TM9SF3: variants seen among roughly 807,000 people sequenced by gnomAD.
The protein encoded by TM9SF3 is SM-11044-binding protein.
A neutral mutation model predicts 78.6 loss-of-function variants in TM9SF3; 14 were observed. The observed-to-expected ratio is 0.18, with a 90% CI of 0.12 to 0.28. The LOEUF (loss-of-function observed/expected upper bound fraction) is 0.28. Ranked by LOEUF, TM9SF3 falls within the 10% of genes least tolerant of loss-of-function variation. TM9SF3 has a pLI of 1.00. For missense variants in TM9SF3, 496 were observed against 721.9 expected (o/e 0.69, Z 3.59); for synonymous variants, 231 against 241.7 (o/e 0.96, Z 0.41).
intron 1 of TM9SF3, among the ~76,000 whole-genome samples, chr10:96,585,308 T>G (rs148733152): frequency 0.013 from 1,967 of 152,264 alleles, 32 homozygotes; most frequent in Non-Finnish European, 0.016. Flanking sequence ...ACTGAAAATT[T>G]AAAAATACTC....
At chr10:96,561,273 T>C (rs569496478) in intron 4 of TM9SF3, among the ~76,000 whole-genome samples, 1 of 152,354 alleles carries the variant, frequency 6.6e-6, no homozygotes, top group Non-Finnish European at 1.5e-5. Context: ...TCTGTAAATC[T>C]TTATTTTTAG....
intron 4 of TM9SF3, among the ~76,000 whole-genome samples, chr10:96,561,149 C>T (rs546747257): frequency 6.6e-6 from 1 of 152,268 alleles, no homozygotes; most frequent in East Asian, 1.9e-4. Flanking sequence ...TTCAGTGAAC[C>T]TTGCCCTTTG....
Position 96,586,820 on chromosome 10 carries a change from C to G in TM9SF3, c.16G>C (p.Gly6Arg). MRPLP[G>R]ALGVAAAAAL... ...GCGGCCGCCGCCACGCCAAGAGCGC[C>G]AGGCAGCGGCCTCATCCTCCGCGCC... Residue 6 changes from glycine to arginine, a missense_variant, in exon 1 of 15, where the codon GGC becomes CGC. By Grantham distance (125) the Gly-to-Arg change is moderately radical. Transcript: ENST00000371142. The G allele has an allele frequency of 8.0e-7, 1 of 1,253,482 alleles. No individual in the cohort carries two copies. Among genetic ancestry groups the G allele is most frequent in the Non-Finnish European group, 1.0e-6 (1 of 1,000,284 alleles). 77.6% of individuals were successfully genotyped at this position (1,253,482 alleles called of 1,614,324 possible). A position where few individuals can be genotyped will look rare whatever the true frequency, so the allele number is the denominator to read the frequency against.
chr10:96,547,772 A>AT, intron 8 of TM9SF3, 123 bp downstream of exon 8: 1 of 756,598 alleles, frequency 1.3e-6, no homozygotes, highest in Non-Finnish European at 2.2e-6. Flanking sequence ...GTGAGCAGAG[A>AT]TTGCACCACT....
chr10:96,552,092 C>T (rs1442966067), intron 6 of TM9SF3, among the ~76,000 whole-genome samples: 1 of 152,068 alleles, frequency 6.6e-6, no homozygotes, highest in Non-Finnish European at 1.5e-5. Context: ...TTAAGAGGTA[C>T]CAAATGCTTT....
At chr10:96,544,043 T>C (rs1297484524) in intron 9 of TM9SF3, 33 bp downstream of exon 9, 2 of 1,591,522 alleles carry the variant, frequency 1.3e-6, no homozygotes, top group Admixed American at 1.8e-5. Context: ...GTGTATACTT[T>C]TTCAGTTTAA....
Position 96,586,900 on chromosome 10 carries a change from C to T in TM9SF3, c.-65G>A. 2 of 1,143,110 alleles carry T rather than the reference C, an allele frequency of 1.7e-6. No individual in the cohort carries two copies. Among genetic ancestry groups the T allele is most frequent in the South Asian group, 4.2e-5 (1 of 23,542 alleles). The allele number at this position is 1,143,110 out of a possible 1,614,324, so 70.8% of individuals were successfully genotyped here. A position where few individuals can be genotyped will look rare whatever the true frequency, so the allele number is the denominator to read the frequency against. ...CTCCTCCCGCCGCCGCCTCCTCCGCCGCCGCCGCCTCCGCCGCGGCCGATT... is the reference window on the plus strand; with the variant it reads ...CTCCTCCCGCCGCCGCCTCCTCCGCTGCCGCCGCCTCCGCCGCGGCCGATT... On this transcript the variant is annotated 5_prime_UTR_variant, in exon 1 of 15. Coordinates refer to ENST00000371142, the MANE Select transcript of TM9SF3 (RefSeq NM_020123.4).
chr10:96,532,108 G>A (rs887376069), intron 10 of TM9SF3, among the ~76,000 whole-genome samples: 1 of 151,980 alleles, frequency 6.6e-6, no homozygotes, highest in Non-Finnish European at 1.5e-5. Flanking sequence ...TACTCGGGAG[G>A]CTGAGGCGGA....
chr10:96,566,040 C>T (rs918958656), intron 2 of TM9SF3, among the ~76,000 whole-genome samples: 2 of 152,180 alleles, frequency 1.3e-5, no homozygotes, highest in Non-Finnish European at 2.9e-5. Flanking sequence ...TTCAAAGATA[C>T]TGCTACTATA....
At chr10:96,567,489 C>T (rs1195972417) in intron 2 of TM9SF3, among the ~76,000 whole-genome samples, 1 of 152,156 alleles carries the variant, frequency 6.6e-6, no homozygotes, top group Non-Finnish European at 1.5e-5. Flanking sequence ...AAACTCAATT[C>T]CCACACACCC....
chr10:96,536,931 G>C (rs2134134635), intron 9 of TM9SF3, among the ~76,000 whole-genome samples: 1 of 152,262 alleles, frequency 6.6e-6, no homozygotes. Flanking sequence ...GAATAACTGG[G>C]ACTACAGGCA....
intron 2 of TM9SF3, among the ~76,000 whole-genome samples, chr10:96,576,083 T>C (rs913488241): frequency 6.6e-6 from 1 of 152,194 alleles, no homozygotes; most frequent in African/African-American, 2.4e-5. Context: ...GTTAAGCCTA[T>C]GGTACAAGTT....
At chr10:96,557,020 CCT>C (rs941773739) in intron 5 of TM9SF3, among the ~76,000 whole-genome samples, 8 of 152,132 alleles carry the variant, frequency 5.3e-5, no homozygotes, top group African/African-American at 1.9e-4. Context: ...ACTGAACTCC[CCT>C]GTTCTTCCTA....
chr10:96,540,769 CT>C (rs68126103), intron 9 of TM9SF3, among the ~76,000 whole-genome samples: 10,977 of 51,470 alleles, frequency 0.21, 187 homozygotes, highest in South Asian at 0.29. Flanking sequence ...TATTACCTTT[CT>C]TTTTTTTTTT....
At chr10:96,553,128 G>A in intron 5 of TM9SF3, 69 bp from the exon 6 acceptor site, 1 of 1,455,034 alleles carries the variant, frequency 6.9e-7, no homozygotes, top group Non-Finnish European at 9.1e-7. Context: ...GTTCCATGAG[G>A]ACAACCGGAT....
At position 96,573,737 on chromosome 10, in the gene TM9SF3, A is replaced by T. The variant is rs796455220; in HGVS notation, c.298+2897T>A. On this transcript the variant is annotated intron_variant, in intron 2 of 14. Coordinates refer to ENST00000371142, the MANE Select transcript of TM9SF3 (RefSeq NM_020123.4). ...GGTACCAAAACAGATATATAGACCA[A>T]CAGAACAGAACAGAGCCCTCAGAAA... Among the ~76,000 whole-genome samples, 29 of 152,268 alleles carry T rather than the reference A, an allele frequency of 1.9e-4. 1 individual carries two copies. The highest frequency in any genetic ancestry group is 7.0e-4 in the African/African-American group (29 of 41,548).
At chr10:96,533,029 T>C (rs776147486) in intron 10 of TM9SF3, 22 bp downstream of exon 10, 2 of 1,612,992 alleles carry the variant, frequency 1.2e-6, no homozygotes, top group South Asian at 1.1e-5. Context: ...AACAATCGCA[T>C]AAGATTTAGC....
intron 11 of TM9SF3, among the ~76,000 whole-genome samples, chr10:96,529,448 A>G (rs1847872806): frequency 6.6e-6 from 1 of 152,132 alleles, no homozygotes; most frequent in Non-Finnish European, 1.5e-5. Context: ...AAGTTATAAA[A>G]TTCGATGTGA....
chr10:96,522,340 T>C lies in TM9SF3; in HGVS notation c.1703-10A>G. On this transcript the variant is annotated splice_polypyrimidine_tract_variant and intron_variant, in intron 14 of 14. Transcript: ENST00000371142. The stretch of plus-strand genomic sequence containing the variant: ...ATGTAACCAATCGCTCCTGCAAAGA[T>C]AAAATAAGATGTTTTGAAACAAATA... The C allele has an allele frequency of 6.4e-7, 1 of 1,559,188 alleles. No homozygotes were observed. The highest frequency in any genetic ancestry group is 1.3e-5 in the South Asian group (1 of 79,566).
Sources: allele counts gnomAD v4.1 joint callset (sites outside exome capture counted in the v4.1 genomes callset), GRCh38; gene constraint gnomAD v4.1.1; transcripts MANE v1.5; gene names NCBI Gene and HGNC (gene_info 2026-07-23, HGNC 2026-07-21).